CSTF3: variants seen among roughly 807,000 people sequenced by gnomAD.
The protein encoded by CSTF3 is cleavage stimulation factor subunit 3.
In CSTF3, 29 loss-of-function variants were observed where a neutral mutation model predicts 105.8. That is an observed-to-expected ratio of 0.27 (90% CI 0.20 to 0.37). The LOEUF is 0.37. CSTF3 is among the 10% of genes least tolerant of loss of function. The pLI is 1.00. For synonymous variants in CSTF3, 252 were observed against 281.9 expected (o/e 0.89, Z 1.06); for missense variants, 357 against 879.3 (o/e 0.41, Z 7.51).
chr11:33,114,969 A>G (rs1349261360), intron 3 of CSTF3, among the ~76,000 whole-genome samples: 1 of 152,204 alleles, frequency 6.6e-6, no homozygotes, highest in Non-Finnish European at 1.5e-5. Context: ...TCACACAATA[A>G]CCATTTGGGA....
intron 3 of CSTF3, among the ~76,000 whole-genome samples, chr11:33,132,011 T>G (rs1855604873): frequency 6.6e-6 from 1 of 152,208 alleles, no homozygotes; most frequent in African/African-American, 2.4e-5. Flanking sequence ...AGGTATTGAC[T>G]ATATATTATT....
intron 1 of CSTF3, among the ~76,000 whole-genome samples, chr11:33,147,466 G>A (rs990760931): frequency 4.6e-5 from 7 of 151,810 alleles, no homozygotes; most frequent in South Asian, 2.1e-4. Context: ...ATGGTGGTGC[G>A]TGCCTGTAGT....
chr11:33,126,370 A>C (rs1855542949), intron 3 of CSTF3, among the ~76,000 whole-genome samples: 2 of 151,992 alleles, frequency 1.3e-5, no homozygotes, highest in Admixed American at 1.3e-4. Context: ...TTCAGCCCAC[A>C]CGGTGGAGGT....
chr11:33,110,203 T>C (rs1855366050), intron 3 of CSTF3, among the ~76,000 whole-genome samples: 1 of 152,208 alleles, frequency 6.6e-6, no homozygotes, highest in Admixed American at 6.5e-5. Context: ...TTGGCAGTCC[T>C]AAAGTAGTAG....
At chr11:33,149,672 T>A (rs1314735386) in intron 1 of CSTF3, among the ~76,000 whole-genome samples, 1 of 152,106 alleles carries the variant, frequency 6.6e-6, no homozygotes, top group Non-Finnish European at 1.5e-5. Flanking sequence ...TCACTCGAGG[T>A]CAGGAGTTCA....
At chr11:33,103,057 AAAC>A (rs767766375) in intron 9 of CSTF3, 47 bp downstream of exon 9, 1 of 1,202,148 alleles carries the variant, frequency 8.3e-7, no homozygotes, top group Non-Finnish European at 1.2e-6. Context: ...GCTCTGCTGT[AAAC>A]AACAGACTCA....
chr11:33,152,502 ATCCTATTCTGTGGGATG>A (rs1565021228), intron 1 of CSTF3, among the ~76,000 whole-genome samples: 1 of 152,176 alleles, frequency 6.6e-6, no homozygotes. Flanking sequence ...CAAAAACTGT[ATCCTATTCTGTGGGATG>A]CCTTGCCACT....
chr11:33,130,198 C>G (rs1855584301), intron 3 of CSTF3, among the ~76,000 whole-genome samples: 1 of 152,152 alleles, frequency 6.6e-6, no homozygotes, highest in African/African-American at 2.4e-5. Context: ...TCAGGCTGGG[C>G]ATGGTGGCTC....
chr11:33,141,482 C>G (rs1393627793), intron 3 of CSTF3, 185 bp downstream of exon 3: 1 of 1,310,068 alleles, frequency 7.6e-7, no homozygotes, highest in Non-Finnish European at 9.7e-7. Context: ...CAACAATCAT[C>G]AGCTTGTAAA....
chr11:33,103,725 A>T (rs879356430), intron 8 of CSTF3, among the ~76,000 whole-genome samples: 2 of 152,124 alleles, frequency 1.3e-5, no homozygotes, highest in Admixed American at 6.5e-5. Flanking sequence ...AGCTGAGATC[A>T]TGCTATTGCA....
At chr11:33,101,562 TC>T (rs2133775306) in intron 10 of CSTF3, among the ~76,000 whole-genome samples, 1 of 152,318 alleles carries the variant, frequency 6.6e-6, no homozygotes, top group South Asian at 2.1e-4. Flanking sequence ...AAACTAAGCC[TC>T]CACAAAGTCC....
intron 15 of CSTF3, among the ~76,000 whole-genome samples, chr11:33,095,827 T>A (rs10638645): frequency 0.21 from 25,837 of 125,600 alleles, 2,906 homozygotes; most frequent in East Asian, 0.33. Flanking sequence ...CTCAAATAAA[T>A]AAATAAATAA....
At chr11:33,159,737 C>T (rs1170965679) in intron 1 of CSTF3, among the ~76,000 whole-genome samples, 1 of 151,918 alleles carries the variant, frequency 6.6e-6, no homozygotes, top group South Asian at 2.1e-4. Context: ...GGCGTCACAG[C>T]ACTCTAGTGT....
chr11:33,131,602 T>G (rs1386443160), intron 3 of CSTF3, among the ~76,000 whole-genome samples: 1 of 152,116 alleles, frequency 6.6e-6, no homozygotes, highest in Non-Finnish European at 1.5e-5. Flanking sequence ...ATCCCCGCAC[T>G]TTGGGAGGCC....
Position 33,099,817 on chromosome 11 carries a change from A to C in CSTF3, c.827-100T>G. On this transcript the variant is annotated intron_variant, in intron 10 of 20. Transcript: ENST00000323959. The surrounding 1 kb of genome is among the most constrained non-coding windows in gnomAD (Gnocchi z 4.1). The stretch of plus-strand genomic sequence containing the variant: ...AACCAAATTAGGCTCCTCAAAAATT[A>C]ATGATAATTAGAAATAAAAAGCTTT... 1.5e-6 allele frequency: 1 copy of C among 654,818 alleles called. No individual in the cohort carries two copies. 40.6% of individuals were successfully genotyped at this position (654,818 alleles called of 1,614,324 possible). A position where few individuals can be genotyped will look rare whatever the true frequency, so the allele number is the denominator to read the frequency against.
intron 18 of CSTF3, among the ~76,000 whole-genome samples, 172 bp from the exon 19 acceptor site, chr11:33,086,161 C>T (rs765280190): frequency 6.6e-6 from 1 of 152,072 alleles, no homozygotes; most frequent in East Asian, 1.9e-4. Context: ...GTCTCAATGC[C>T]GTGGCCACTG....
Position 33,092,279 on chromosome 11 carries a change from C to T in CSTF3, c.1437G>A (p.Glu479=). The T allele has an allele frequency of 6.3e-7, 1 of 1,599,608 alleles. No individual in the cohort carries two copies. The highest frequency in any genetic ancestry group is 8.5e-7 in the Non-Finnish European group (1 of 1,174,512). The change falls in exon 16 of 21, where the codon GAG becomes GAA. Residue 479 remains glutamate, a synonymous_variant. Coordinates refer to ENST00000323959, the MANE Select transcript of CSTF3 (RefSeq NM_001326.3). ...TTTTCACAATGGCTTACCCAGACTT[C>T]TCAGGAGGAAGGCTTCCAGATGTTA... ...RVLTSGSLPP[E]KSGEIWARFL...
rs754451594 is a variant in CSTF3, at chr11:33,099,383, C to G, written c.936+225G>C. On this transcript the variant is annotated intron_variant, in intron 11 of 20. Coordinates refer to ENST00000323959, the MANE Select transcript of CSTF3 (RefSeq NM_001326.3). The surrounding 1 kb of genome is among the most constrained non-coding windows in gnomAD (Gnocchi z 4.1). ...TATTTTAACTTACAAAATAACCATG[C>G]AAGTACTCTAAATGATTCATTACTT... Among the ~76,000 whole-genome samples, 6 of 152,092 alleles carry G rather than the reference C, an allele frequency of 3.9e-5. No individual in the cohort carries two copies. The highest frequency in any genetic ancestry group is 8.8e-5 in the Non-Finnish European group (6 of 68,014).
Position 33,087,047 on chromosome 11 carries a change from G to A in CSTF3, c.1736C>T (p.Pro579Leu). ...CTGAGTGTCTGGTTTAGGGTATTCT[G>A]GTTTTCTATCCACTTCATCTTTCAG... ...PVLKDEVDRKPEYPKPDTQQM... is the reference protein window; with the variant it reads ...PVLKDEVDRKLEYPKPDTQQM... The change falls in exon 18 of 21, where the codon CCA (proline) becomes CTA (leucine). Residue 579 changes from proline to leucine, a missense_variant. Pro to Leu is a moderately conservative substitution (Grantham distance 98). Coordinates refer to ENST00000323959, the MANE Select transcript of CSTF3 (RefSeq NM_001326.3). 1 of 1,614,074 alleles carries A rather than the reference G, an allele frequency of 6.2e-7. No homozygotes were observed.
Sources: allele counts gnomAD v4.1 joint callset (sites outside exome capture counted in the v4.1 genomes callset), GRCh38; gene constraint gnomAD v4.1.1; non-coding constraint Gnocchi (gnomAD v3.1); transcripts MANE v1.5; gene names NCBI Gene and HGNC (gene_info 2026-07-23, HGNC 2026-07-21).